TMX2: variants seen among roughly 807,000 people sequenced by gnomAD.
TMX2 encodes thioredoxin-related transmembrane protein 2.
In TMX2, 20 loss-of-function variants were observed where a neutral mutation model predicts 33.4. The ratio of observed to expected loss-of-function variants is 0.60; its 90% CI spans 0.42 to 0.87. The LOEUF is 0.87. Ranked by LOEUF, TMX2 falls within the 40% of genes least tolerant of loss-of-function variation. The probability of loss-of-function intolerance (pLI) is 0.00; values close to 1 mark genes in which losing one functional copy is unlikely to be tolerated. For synonymous variants in TMX2, 166 were observed against 140.7 expected, an observed-to-expected ratio of 1.18 and a Z score of -1.27; for missense variants, 340 against 370.7, an observed-to-expected ratio of 0.92 and a Z score of 0.68.
chr11:57,725,666 G>C (rs185824758), intron 1 of TMX2, among the ~76,000 whole-genome samples: 179 of 152,204 alleles, frequency 1.2e-3, no homozygotes, highest in African/African-American at 4.0e-3. Flanking sequence ...GAACCCAGGA[G>C]GTGGAGGTTG....
chr11:57,723,479 G>A (rs1394369765), intron 1 of TMX2, among the ~76,000 whole-genome samples: 6 of 128,432 alleles, frequency 4.7e-5, no homozygotes, highest in South Asian at 2.5e-4. Context: ...GCAAAACTCC[G>A]TCTCAAAAAA....
At chr11:57,720,319 A>G (rs1180167766) in intron 1 of TMX2, among the ~76,000 whole-genome samples, 1 of 152,222 alleles carries the variant, frequency 6.6e-6, no homozygotes, top group Non-Finnish European at 1.5e-5. Context: ...GTATATGTCT[A>G]TACATGTGTT....
At chr11:57,713,992 G>A (rs1257817326) in intron 1 of TMX2, among the ~76,000 whole-genome samples, 1 of 152,206 alleles carries the variant, frequency 6.6e-6, no homozygotes, top group East Asian at 1.9e-4. Flanking sequence ...GACAGGTCTG[G>A]ACTTTAGGCA....
intron 1 of TMX2, among the ~76,000 whole-genome samples, chr11:57,714,799 G>A (rs192641012): frequency 6.6e-6 from 1 of 151,978 alleles, no homozygotes; most frequent in East Asian, 1.9e-4. Flanking sequence ...TCTTGATGTT[G>A]CCCAGGCTGG....
Position 57,740,372 on chromosome 11 carries a change from T to A in TMX2, c.*127T>A. On this transcript the variant is annotated 3_prime_UTR_variant, in exon 8 of 8. Coordinates refer to ENST00000278422, the MANE Select transcript of TMX2 (RefSeq NM_015959.4). ...GTGACTGGGTGGGGCAGCATGCAGC[T>A]TCTGATTTTAAAGAGGCATCTAGGG... 8.3e-7 allele frequency: 1 copy of A among 1,206,056 alleles called. No individual in the cohort carries two copies. The highest frequency in any genetic ancestry group is 1.1e-6 in the Non-Finnish European group (1 of 900,194). 74.7% of individuals were successfully genotyped at this position (1,206,056 alleles called of 1,614,324 possible). A position where few individuals can be genotyped will look rare whatever the true frequency, so the allele number is the denominator to read the frequency against.
intron 1 of TMX2, among the ~76,000 whole-genome samples, chr11:57,735,739 C>T (rs935629185): frequency 2.0e-5 from 3 of 152,198 alleles, no homozygotes; most frequent in African/African-American, 7.2e-5. Flanking sequence ...AGCTTCATAT[C>T]TGTCCATAAG....
At chr11:57,723,627 C>T (rs1475788770) in intron 1 of TMX2, among the ~76,000 whole-genome samples, 1 of 151,130 alleles carries the variant, frequency 6.6e-6, no homozygotes, top group Admixed American at 6.6e-5. Flanking sequence ...ATGGTGAAAC[C>T]CTGTCCTACT....
intron 1 of TMX2, among the ~76,000 whole-genome samples, chr11:57,724,243 A>C (rs576334373): frequency 3.9e-4 from 60 of 152,296 alleles, no homozygotes; most frequent in Non-Finnish European, 7.1e-4. Flanking sequence ...TTGAAAAAGC[A>C]ATCAGCCTAG....
At chr11:57,736,658 C>T (rs535769416) in intron 1 of TMX2, among the ~76,000 whole-genome samples, 207 of 152,026 alleles carry the variant, frequency 1.4e-3, no homozygotes, top group Non-Finnish European at 2.3e-3. Flanking sequence ...GAGGCCGAGG[C>T]GGGCGGATCA....
chr11:57,712,700 C>T lies in TMX2; in HGVS notation c.82C>T (p.Leu28=), dbSNP rs1176297149. ...ATGGCTCGCCCAACCTTACTACCTTCTGTCGGCCCTGCTCTCTGCTGCCTT... is the reference window on the plus strand; with the variant it reads ...ATGGCTCGCCCAACCTTACTACCTTTTGTCGGCCCTGCTCTCTGCTGCCTT... The part of the protein sequence containing the change: ...SRWLAQPYYL[L]SALLSAAFLL... Residue 28 remains leucine, a synonymous_variant, in exon 1 of 8, where the codon CTG becomes TTG. Coordinates refer to ENST00000278422, the MANE Select transcript of TMX2 (RefSeq NM_015959.4). The T allele has an allele frequency of 6.8e-6, 11 of 1,614,204 alleles. No homozygotes were observed. The East Asian group carries it at 8.9e-5, about 13-fold the overall frequency.
intron 1 of TMX2, among the ~76,000 whole-genome samples, chr11:57,730,108 C>T (rs113128831): frequency 0.013 from 1,759 of 140,368 alleles, 29 homozygotes; most frequent in Admixed American, 0.047. Flanking sequence ...CGTTTCCCCC[C>T]ACAAAAAAAA....
At chr11:57,720,770 C>A (rs528551149) in intron 1 of TMX2, among the ~76,000 whole-genome samples, 1 of 152,192 alleles carries the variant, frequency 6.6e-6, no homozygotes, top group African/African-American at 2.4e-5. Flanking sequence ...TGGACTGTTA[C>A]CTTACAAGGA....
intron 1 of TMX2, among the ~76,000 whole-genome samples, chr11:57,716,546 G>C (rs1342505630): frequency 4.8e-5 from 6 of 125,352 alleles, no homozygotes; most frequent in Admixed American, 7.6e-5. Context: ...CCTCCCGGAC[G>C]GGGCGGCTGG....
At chr11:57,722,356 TA>T (rs748170157) in intron 1 of TMX2, among the ~76,000 whole-genome samples, 1 of 152,060 alleles carries the variant, frequency 6.6e-6, no homozygotes, top group South Asian at 2.1e-4. Flanking sequence ...GTTGAGACAA[TA>T]AAATCAGGTG....
At chr11:57,735,382 T>G (rs1005512245) in intron 1 of TMX2, among the ~76,000 whole-genome samples, 1 of 152,032 alleles carries the variant, frequency 6.6e-6, no homozygotes, top group African/African-American at 2.4e-5. Flanking sequence ...CTAATTTTTT[T>G]GTATTTTTAG....
chr11:57,739,947 C>T, intron 7 of TMX2, 152 bp from the exon 8 acceptor site: 2 of 973,424 alleles, frequency 2.1e-6, no homozygotes, highest in South Asian at 3.2e-5. Context: ...GTTGACTTTT[C>T]TGGGTACCTA....
chr11:57,735,637 T>C (rs1409673735), intron 1 of TMX2, among the ~76,000 whole-genome samples: 1 of 152,200 alleles, frequency 6.6e-6, no homozygotes, highest in Non-Finnish European at 1.5e-5. Flanking sequence ...CAGGAGTTTA[T>C]GCTAAGCAGG....
intron 1 of TMX2, among the ~76,000 whole-genome samples, chr11:57,720,961 G>C (rs1352928286): frequency 1.3e-5 from 2 of 151,678 alleles, no homozygotes; most frequent in Non-Finnish European, 2.9e-5. Flanking sequence ...GAGTTTCTAA[G>C]GCTGTGTTCT....
chr11:57,733,247 ATTTTTTTTTTT>A lies in TMX2; in HGVS notation c.190-4346_190-4336del, dbSNP rs71061537. Among the ~76,000 whole-genome samples the A allele has an allele frequency of 3.9e-4, 29 of 74,890 alleles. No individual in the cohort carries two copies. The South Asian group carries it at 0.014, about 36-fold the overall frequency. 49.1% of individuals were successfully genotyped at this position (74,890 alleles called of 152,430 possible). ...GTCCTCGTGTAAGACACAGTGAGGA[ATTTTTTTTTTT>A]TTTTTTTTTTTTTTGAGATGGAGTT... On this transcript the variant is annotated intron_variant, in intron 1 of 7. Transcript: ENST00000278422.
Sources: allele counts gnomAD v4.1 joint callset (sites outside exome capture counted in the v4.1 genomes callset), GRCh38; gene constraint gnomAD v4.1.1; transcripts MANE v1.5; gene names NCBI Gene and HGNC (gene_info 2026-07-23, HGNC 2026-07-21).